Variants in NAV2 observed in about 807,000 individuals in gnomAD.
NAV2 encodes neuron navigator 2.
In NAV2, 54 loss-of-function variants were observed where a neutral mutation model predicts 223.2. The ratio of observed to expected loss-of-function variants is 0.24; its 90% CI spans 0.19 to 0.30. NAV2 has a LOEUF of 0.30. Among genes scored for constraint, NAV2 ranks in the 10% least tolerant of loss-of-function variants. The pLI is 1.00. For synonymous variants in NAV2, 1,279 were observed against 1,239.3 expected, an observed-to-expected ratio of 1.03 and a Z score of -0.67; for missense variants, 2,806 against 3,147.5, an observed-to-expected ratio of 0.89 and a Z score of 2.60.
intron 23 of NAV2, 132 bp from the exon 24 acceptor site, chr11:20,077,861 C>G (rs2059860303): frequency 5.3e-6 from 4 of 749,674 alleles, no homozygotes; most frequent in Non-Finnish European, 9.0e-6. Context: ...TTGTTCATGC[C>G]TGTTGATCCA....
chr11:19,725,942 T>C (rs1438341476), intron 1 of NAV2, among the ~76,000 whole-genome samples: 1 of 152,206 alleles, frequency 6.6e-6, no homozygotes, highest in Non-Finnish European at 1.5e-5. Flanking sequence ...AAGCAGGCCA[T>C]GGGCGAGGCC....
intron 1 of NAV2, among the ~76,000 whole-genome samples, chr11:19,759,129 T>C (rs1213095767): frequency 7.0e-6 from 1 of 143,150 alleles, no homozygotes; most frequent in East Asian, 2.1e-4. Flanking sequence ...GATGGAATCT[T>C]GCTCTGTCAG....
chr11:20,029,837 G>A (rs141065219), intron 11 of NAV2, among the ~76,000 whole-genome samples: 1,973 of 152,294 alleles, frequency 0.013, 36 homozygotes, highest in African/African-American at 0.044. Context: ...CTCCAGTTAC[G>A]TTCTTATCTG....
chr11:19,649,165 C>T (rs2047897038), intron 1 of NAV2, among the ~76,000 whole-genome samples: 1 of 152,082 alleles, frequency 6.6e-6, no homozygotes, highest in Admixed American at 6.5e-5. Flanking sequence ...ATCACTAAAT[C>T]CTTGTGATTC....
chr11:19,713,531 G>T lies in NAV2; in HGVS notation c.-165G>T. ...CGGCACCCCAAAGGCGCGCTCGCCC[G>T]ATTGCTTCGAGTTCCCCGACCTGGG... On this transcript the variant is annotated 5_prime_UTR_variant, in exon 1 of 38. Transcript: ENST00000349880. The surrounding 1 kb of genome is among the most constrained non-coding windows in gnomAD (Gnocchi z 7.2). 2 of 1,396,668 alleles carry T rather than the reference G, an allele frequency of 1.4e-6. No homozygotes were observed. The highest frequency in any genetic ancestry group is 2.7e-4 in the Middle Eastern group (1 of 3,768). 86.5% of individuals were successfully genotyped at this position (1,396,668 alleles called of 1,614,324 possible).
At chr11:19,866,811 G>A (rs1319771492) in intron 3 of NAV2, among the ~76,000 whole-genome samples, 1 of 151,924 alleles carries the variant, frequency 6.6e-6, no homozygotes, top group Non-Finnish European at 1.5e-5. Context: ...AATAAATATC[G>A]AGTGTACTAT....
intron 11 of NAV2, among the ~76,000 whole-genome samples, chr11:20,017,245 T>A (rs1429005443): frequency 6.6e-6 from 1 of 152,126 alleles, no homozygotes; most frequent in Non-Finnish European, 1.5e-5. Context: ...TCCACTAATG[T>A]CCCCACACCC....
intron 1 of NAV2, among the ~76,000 whole-genome samples, chr11:19,556,089 G>C (rs973742040): frequency 1.3e-5 from 2 of 152,110 alleles, no homozygotes; most frequent in Non-Finnish European, 2.9e-5. Context: ...CAGCTCCCCG[G>C]GGACCAGGAA....
chr11:20,064,188 T>C (rs964552203), intron 20 of NAV2, among the ~76,000 whole-genome samples: 1 of 152,218 alleles, frequency 6.6e-6, no homozygotes, highest in Admixed American at 6.5e-5. Flanking sequence ...CTATGTCCTT[T>C]CTTCTAGAAT....
In NAV2 at chr11:20,114,749, C is replaced by T. The variant is rs554190385; in HGVS notation, c.7118C>T (p.Ser2373Leu). The change falls in exon 37 of 38, where the codon TCG (serine) becomes TTG (leucine). Residue 2373 changes from serine (S) to leucine (L), a missense_variant. Ser to Leu is a moderately radical substitution (Grantham distance 145). This residue lies in a region of NAV2 where 824 missense variants were observed against 1,069.4 expected (regional missense o/e 0.77). Coordinates refer to ENST00000349880, the MANE Select transcript of NAV2 (RefSeq NM_145117.5). ...FDGYSMPREG[S>L]TSKQMPPSDA... Reference sequence around the variant, plus strand: ...GGCTACTCCATGCCTCGGGAGGGATCGACAAGCAAGCAGATGCCCCCCAGT... The same window carrying T: ...GGCTACTCCATGCCTCGGGAGGGATTGACAAGCAAGCAGATGCCCCCCAGT... 76 of 1,613,952 alleles carry T rather than the reference C, an allele frequency of 4.7e-5. 1 individual carries two copies. In the South Asian group the frequency reaches 5.8e-4, roughly 12 times the overall value.
intron 1 of NAV2, among the ~76,000 whole-genome samples, chr11:19,758,238 T>G (rs2054399718): frequency 6.6e-6 from 1 of 152,174 alleles, no homozygotes; most frequent in Admixed American, 6.5e-5. Context: ...TATATTTTAG[T>G]GTGAAGGAAC....
intron 1 of NAV2, among the ~76,000 whole-genome samples, chr11:19,799,884 A>G (rs1335583586): frequency 6.6e-6 from 1 of 152,032 alleles, no homozygotes; most frequent in East Asian, 1.9e-4. Context: ...TCTACTTTAT[A>G]TGGACTTAAG....
rs1030662186 is a variant in NAV2, at chr11:19,917,151, T to C, written c.932-16025T>C. 3.9e-5 allele frequency among the ~76,000 whole-genome samples: 6 copies of C among 152,190 alleles called. No homozygotes were observed. The East Asian group carries it at 5.8e-4, about 15-fold the overall frequency. ...ACCTACCTGCCTTCTGGAGATCTGA[T>C]TGGACAGTATGGAACCTGCCTCAGG... On this transcript the variant is annotated intron_variant, in intron 6 of 37. Coordinates refer to ENST00000349880, the MANE Select transcript of NAV2 (RefSeq NM_145117.5).
At chr11:19,960,325 G>A (rs2048247886) in intron 10 of NAV2, among the ~76,000 whole-genome samples, 2 of 152,108 alleles carry the variant, frequency 1.3e-5, no homozygotes, top group South Asian at 4.1e-4. Context: ...GCTGATATGT[G>A]TGGCATCCCT....
rs192027605 is a variant in NAV2, at chr11:19,422,680, C to G, written c.75+71653C>G. Among the ~76,000 whole-genome samples the G allele has an allele frequency of 7.0e-3, 1,068 of 152,356 alleles. 15 individuals are homozygous for G. Among genetic ancestry groups the G allele is most frequent in the African/African-American group, 0.024 (1,004 of 41,588 alleles). Reference sequence around the variant, plus strand: ...CCTGTTCTGCATGGCAACAATTACACAGAAGATTACATTGGAATCGTCTGG... The same window carrying G: ...CCTGTTCTGCATGGCAACAATTACAGAGAAGATTACATTGGAATCGTCTGG... On this transcript the variant is annotated intron_variant, in intron 1 of 37. Transcript: ENST00000360655.
Position 19,933,958 on chromosome 11 carries a change from A to G in NAV2, c.1714A>G (p.Met572Val). The change falls in exon 7 of 38, where the codon ATG becomes GTG. Residue 572 changes from methionine to valine, a missense_variant. Met to Val is a conservative substitution (Grantham distance 21, BLOSUM62 1). This residue lies in a region of NAV2 where 1,167 missense variants were observed against 1,180.5 expected (regional missense o/e 0.99). Coordinates refer to ENST00000349880, the MANE Select transcript of NAV2 (RefSeq NM_145117.5). The surrounding 1 kb of genome is among the most constrained non-coding windows in gnomAD (Gnocchi z 4.3). ...AATACCAAAACCAGGAATGAAAAGC[A>G]TGCCCGGGAAATCCCCAAGTGCCCC... ...SGIPKPGMKS[M>V]PGKSPSAPAP... The G allele has an allele frequency of 6.3e-7, 1 of 1,596,556 alleles. No individual in the cohort carries two copies. The highest frequency in any genetic ancestry group is 1.1e-5 in the South Asian group (1 of 88,296).
At chr11:19,403,740 C>T (rs1303753074) in intron 1 of NAV2, among the ~76,000 whole-genome samples, 2 of 152,104 alleles carry the variant, frequency 1.3e-5, no homozygotes, top group South Asian at 2.1e-4. Context: ...AGTAAATAAA[C>T]AGGCATGGAT....
At chr11:19,944,427 T>A (rs77525767) in intron 8 of NAV2, among the ~76,000 whole-genome samples, 1 of 152,002 alleles carries the variant, frequency 6.6e-6, no homozygotes, top group Non-Finnish European at 1.5e-5. Flanking sequence ...TTTTCTTCTC[T>A]TTTCTTTTGC....
chr11:19,918,379 G>A (rs1208798615), intron 6 of NAV2, among the ~76,000 whole-genome samples: 2 of 152,310 alleles, frequency 1.3e-5, no homozygotes, highest in African/African-American at 2.4e-5. Context: ...CTTCTGGCTT[G>A]TCAGCCAAAT....
Sources: allele counts gnomAD v4.1 joint callset (sites outside exome capture counted in the v4.1 genomes callset), GRCh38; gene constraint gnomAD v4.1.1; regional missense constraint gnomAD v4.1.1; non-coding constraint Gnocchi (gnomAD v3.1); transcripts MANE v1.5; gene names NCBI Gene and HGNC (gene_info 2026-07-23, HGNC 2026-07-21).